The following IDO1 variants were observed in gnomAD, a reference collection of about 807,000 sequenced individuals.
The protein encoded by IDO1 is indolamine 2,3 dioxygenase.
A neutral mutation model predicts 38.8 loss-of-function variants in IDO1; 35 were observed. The observed-to-expected ratio is 0.90, with a 90% CI of 0.69 to 1.20. The LOEUF is 1.20. Ranked by LOEUF, IDO1 falls within the 50% of genes most tolerant of loss-of-function variation. The probability of loss-of-function intolerance (pLI) is 0.00; values close to 1 mark genes in which losing one functional copy is unlikely to be tolerated. For synonymous variants in IDO1, 171 were observed against 170.0 expected (o/e 1.01, Z -0.05); for missense variants, 509 against 485.1 (o/e 1.05, Z -0.46).
chr8:39,923,133 G>A (rs1400795655), intron 6 of IDO1, among the ~76,000 whole-genome samples: 2 of 152,184 alleles, frequency 1.3e-5, no homozygotes, highest in Non-Finnish European at 2.9e-5. Flanking sequence ...GCAGGGCACA[G>A]TGGCTCACAC....
intron 6 of IDO1, 190 bp downstream of exon 6, chr8:39,922,841 T>C: frequency 1.7e-6 from 1 of 590,584 alleles, no homozygotes; most frequent in Non-Finnish European, 3.0e-6. Context: ...CTCAGAGCCA[T>C]ATACTTAAAA....
chr8:39,915,050 A>C (rs1807153064), intron 1 of IDO1, among the ~76,000 whole-genome samples: 1 of 152,236 alleles, frequency 6.6e-6, no homozygotes, highest in Non-Finnish European at 1.5e-5. Flanking sequence ...TACAGGCGTG[A>C]GCCACTGCAC....
At chr8:39,924,628 T>C in intron 7 of IDO1, 93 bp from the exon 8 acceptor site, 1 of 852,316 alleles carries the variant, frequency 1.2e-6, no homozygotes, top group Non-Finnish European at 1.9e-6. Context: ...TCCTGCAGCC[T>C]GTGCCAAAAT....
intron 7 of IDO1, among the ~76,000 whole-genome samples, chr8:39,924,499 C>T (rs1387729728): frequency 2.0e-5 from 3 of 151,964 alleles, no homozygotes; most frequent in African/African-American, 7.2e-5. Context: ...TCAGTAAGCA[C>T]GTAAAGTAAA....
intron 6 of IDO1, 47 bp from the exon 7 acceptor site, chr8:39,923,417 AAAAAG>A (rs1183442462): frequency 1.3e-5 from 15 of 1,166,746 alleles, no homozygotes; most frequent in Non-Finnish European, 1.7e-5. Context: ...AAAAAAAAAA[AAAAAG>A]AAAGAAAGAA....
At chr8:39,924,593 T>C in intron 7 of IDO1, 128 bp from the exon 8 acceptor site, 1 of 649,294 alleles carries the variant, frequency 1.5e-6, no homozygotes, top group South Asian at 1.9e-5. Flanking sequence ...GGGCTTTGTT[T>C]AGCATAGACT....
intron 6 of IDO1, 142 bp downstream of exon 6, chr8:39,922,793 C>G: frequency 3.1e-6 from 2 of 650,246 alleles, no homozygotes; most frequent in Non-Finnish European, 5.5e-6. Context: ...GGTAAAGGAT[C>G]AATTATTTAT....
At chr8:39,920,219 T>A (rs1033585591) in intron 5 of IDO1, 105 bp downstream of exon 5, 2 of 851,902 alleles carry the variant, frequency 2.3e-6, no homozygotes, top group Admixed American at 2.5e-5. Context: ...TTAATTGAAT[T>A]CAGCCAAAAA....
intron 7 of IDO1, chr8:39,923,893 G>T: frequency 5.6e-6 from 1 of 178,486 alleles, no homozygotes; most frequent in Non-Finnish European, 1.2e-5. Context: ...AAACCTTAGA[G>T]AAACTTTCCA....
At chr8:39,914,699 G>A (rs768973226) in intron 1 of IDO1, among the ~76,000 whole-genome samples, 1 of 152,072 alleles carries the variant, frequency 6.6e-6, no homozygotes, top group Non-Finnish European at 1.5e-5. Flanking sequence ...ATTTTTCTAA[G>A]CAATTTACAA....
At position 39,927,911 on chromosome 8, in the gene IDO1, A is replaced by T. The variant is rs1249196716; in HGVS notation, c.938A>T (p.Asn313Ile). ...HRNFLCSLESNPSVREFVLSK... is the reference protein window; with the variant it reads ...HRNFLCSLESIPSVREFVLSK... ...AACTTCCTGTGCTCATTAGAGTCAA[A>T]TCCCTCAGTCCGTGAGTTTGTCCTT... Residue 313 changes from asparagine (N) to isoleucine (I), a missense_variant, in exon 10 of 10, where the codon AAT becomes ATT. By Grantham distance (149) the Asn-to-Ile change is moderately radical (BLOSUM62 -3). Transcript: ENST00000518237. 6.2e-7 allele frequency: 1 copy of T among 1,607,492 alleles called. No homozygotes were observed.
intron 1 of IDO1, among the ~76,000 whole-genome samples, chr8:39,917,627 C>A (rs1279073345): frequency 2.0e-5 from 3 of 152,132 alleles, no homozygotes; most frequent in African/African-American, 4.8e-5. Flanking sequence ...TTTAGTGAAA[C>A]CTTTGAGGTG....
rs74596260 is a variant in IDO1, at chr8:39,917,144, T to C, written c.88-731T>C. On this transcript the variant is annotated intron_variant, in intron 1 of 9. Transcript: ENST00000518237. Reference sequence around the variant, plus strand: ...ATCGAGCAGAGTGCCTAGTCCACTATTGACATTTAAAACATCTCATTTTCC... The same window carrying C: ...ATCGAGCAGAGTGCCTAGTCCACTACTGACATTTAAAACATCTCATTTTCC... Among the ~76,000 whole-genome samples, 626 of 152,344 alleles carry C rather than the reference T, an allele frequency of 4.1e-3. 6 individuals carry two copies. The highest frequency in any genetic ancestry group is 0.014 in the African/African-American group (597 of 41,584).
rs919615956 is a variant in IDO1 at position 39,927,323 on chromosome 8, G to A, written c.857-507G>A. Among the ~76,000 whole-genome samples the A allele has an allele frequency of 1.2e-4, 18 of 152,202 alleles. No homozygotes were observed. The South Asian group carries it at 1.4e-3, about 12-fold the overall frequency. ...TGCCTGTAATCCCAGCACTTTGGGA[G>A]GCTGAGGCAGGTGGATCATCTGAGG... On this transcript the variant is annotated intron_variant, in intron 9 of 9. Transcript: ENST00000518237.
chr8:39,928,387 T>G lies in IDO1; in HGVS notation c.*202T>G, dbSNP rs1019587597. The G allele has an allele frequency of 4.0e-6, 2 of 505,988 alleles. No individual in the cohort carries two copies. Among genetic ancestry groups the G allele is most frequent in the Non-Finnish European group, 3.5e-6 (1 of 286,988 alleles). The allele number at this position is 505,988 out of a possible 1,614,324, so 31.3% of individuals were successfully genotyped here. ...TGTAATTATACTAGAAGTTTTGTAA[T>G]CTGTATCTTATCATTGGAATAAAAT... On this transcript the variant is annotated 3_prime_UTR_variant, in exon 10 of 10. Transcript: ENST00000518237.
intron 1 of IDO1, among the ~76,000 whole-genome samples, chr8:39,916,885 G>C (rs1466438447): frequency 1.3e-5 from 2 of 152,044 alleles, no homozygotes; most frequent in African/African-American, 4.8e-5. Flanking sequence ...CTGTTATTTG[G>C]AGAAAATCAC....
Position 39,922,654 on chromosome 8 carries a change from A to C in IDO1, c.537+3A>C. 1 of 1,595,450 alleles carries C rather than the reference A, an allele frequency of 6.3e-7. No individual in the cohort carries two copies. The highest frequency in any genetic ancestry group is 8.6e-7 in the Non-Finnish European group (1 of 1,163,380). ...TAGCAGCTGCTTCTGCAATCAAAGTACGTCTATCCTCACTTCAAAATTTAT... is the reference window on the plus strand; with the variant it reads ...TAGCAGCTGCTTCTGCAATCAAAGTCCGTCTATCCTCACTTCAAAATTTAT... On this transcript the variant is annotated splice_donor_region_variant and intron_variant, in intron 6 of 9. Coordinates refer to ENST00000518237, the MANE Select transcript of IDO1 (RefSeq NM_002164.6).
chr8:39,925,925 C>T (rs1459177084), intron 9 of IDO1, among the ~76,000 whole-genome samples: 7 of 151,882 alleles, frequency 4.6e-5, no homozygotes, highest in South Asian at 2.1e-4. Flanking sequence ...CAGTCGCTCA[C>T]GCCTGTAATC....
intron 3 of IDO1, chr8:39,918,455 A>G (rs532246856): frequency 2.0e-6 from 1 of 512,456 alleles, no homozygotes; most frequent in South Asian, 2.6e-5. Context: ...AAACTAATAC[A>G]GACTGCAATA....
Sources: gnomAD v4.1 joint callset for allele counts (sites outside exome capture counted in the v4.1 genomes callset) on GRCh38, gnomAD v4.1.1 for gene constraint, MANE v1.5 for transcripts, NCBI Gene and HGNC (gene_info 2026-07-23, HGNC 2026-07-21) for gene names.